HECW2: variants seen among roughly 807,000 people sequenced by gnomAD.
HECW2 encodes the protein HECT, C2 and WW domain containing E3 ubiquitin protein ligase 2, also known as E3 ubiquitin-protein ligase HECW2.
HECW2 carries 61 observed loss-of-function variants against 175.2 expected under a neutral mutation model. The ratio of observed to expected loss-of-function variants is 0.35; its 90% CI spans 0.28 to 0.43. The LOEUF (loss-of-function observed/expected upper bound fraction) is 0.43. Among genes scored for constraint, HECW2 ranks in the 20% least tolerant of loss-of-function variants. HECW2 has a pLI of 1.00. For missense variants in HECW2, 1,524 were observed against 2,000.5 expected (o/e 0.76, Z 4.54); for synonymous variants, 671 against 731.0 (o/e 0.92, Z 1.32).
At chr2:196,273,014 C>T (rs955575278) in intron 16 of HECW2, among the ~76,000 whole-genome samples, 8 of 143,116 alleles carry the variant, frequency 5.6e-5, no homozygotes, top group Non-Finnish European at 9.0e-5. Flanking sequence ...TTAAAGAAGA[C>T]GTTTTAAAAC....
intron 23 of HECW2, among the ~76,000 whole-genome samples, 174 bp downstream of exon 23, chr2:196,225,598 A>C (rs1357265494): frequency 6.6e-6 from 1 of 152,244 alleles, no homozygotes; most frequent in Non-Finnish European, 1.5e-5. Flanking sequence ...GGAAAAACAC[A>C]GTAATCATAT....
chr2:196,309,496 A>C (rs1015937289), intron 10 of HECW2, among the ~76,000 whole-genome samples: 2 of 152,228 alleles, frequency 1.3e-5, no homozygotes, highest in African/African-American at 4.8e-5. Flanking sequence ...TGATATGCTC[A>C]CAAATAGCAA....
chr2:196,423,247 T>G (rs1420506798), intron 2 of HECW2, among the ~76,000 whole-genome samples: 2 of 152,160 alleles, frequency 1.3e-5, no homozygotes, highest in Non-Finnish European at 2.9e-5. Flanking sequence ...GCCGAGCATT[T>G]TATATGCAAT....
At chr2:196,577,046 C>T (rs1690586281) in intron 1 of HECW2, among the ~76,000 whole-genome samples, 1 of 152,070 alleles carries the variant, frequency 6.6e-6, no homozygotes, top group Admixed American at 6.6e-5. Flanking sequence ...ATGCAAATAA[C>T]GGATTTTGTC....
At chr2:196,571,907 TA>T (rs1369861749) in intron 1 of HECW2, among the ~76,000 whole-genome samples, 1 of 152,046 alleles carries the variant, frequency 6.6e-6, no homozygotes, top group Non-Finnish European at 1.5e-5. Flanking sequence ...AATGAATGAA[TA>T]AAAAATTGTG....
chr2:196,559,900 T>G (rs1243173613), intron 1 of HECW2, among the ~76,000 whole-genome samples: 1 of 152,224 alleles, frequency 6.6e-6, no homozygotes, highest in Non-Finnish European at 1.5e-5. Context: ...CCTTTCACTC[T>G]AAAAGGATTT....
intron 2 of HECW2, among the ~76,000 whole-genome samples, chr2:196,414,737 C>T (rs1315543131): frequency 6.6e-6 from 1 of 152,184 alleles, no homozygotes; most frequent in Admixed American, 6.5e-5. Flanking sequence ...AGTGCCCCAA[C>T]ACCAGCTTTG....
intron 1 of HECW2, among the ~76,000 whole-genome samples, chr2:196,542,827 T>C (rs1689272537): frequency 6.7e-6 from 1 of 149,440 alleles, no homozygotes; most frequent in South Asian, 2.1e-4. Flanking sequence ...ATATATAATC[T>C]AATATCTAAT....
intron 1 of HECW2, among the ~76,000 whole-genome samples, chr2:196,489,298 A>T (rs1031401839): frequency 1.3e-5 from 2 of 152,198 alleles, no homozygotes; most frequent in Non-Finnish European, 1.5e-5. Context: ...AGAGAGAGAG[A>T]TATATAACTC....
chr2:196,372,667 GA>G (rs1559073274), intron 2 of HECW2, among the ~76,000 whole-genome samples: 1 of 152,152 alleles, frequency 6.6e-6, no homozygotes, highest in African/African-American at 2.4e-5. Context: ...GTCCCCCTTT[GA>G]GAAGAGTTAG....
intron 1 of HECW2, among the ~76,000 whole-genome samples, chr2:196,568,199 G>C (rs1243016370): frequency 1.3e-5 from 2 of 152,064 alleles, no homozygotes; most frequent in African/African-American, 4.8e-5. Context: ...TGGGAAAAAA[G>C]TCATTAGGAC....
chr2:196,244,584 G>A (rs1429555741), intron 19 of HECW2, among the ~76,000 whole-genome samples: 2 of 152,104 alleles, frequency 1.3e-5, no homozygotes, highest in East Asian at 3.8e-4. Context: ...CATTTGTTAA[G>A]ATCAGTGTTA....
chr2:196,461,149 C>T (rs1696728847), intron 1 of HECW2, among the ~76,000 whole-genome samples: 1 of 151,802 alleles, frequency 6.6e-6, no homozygotes, highest in East Asian at 1.9e-4. Context: ...AAGTGCACAG[C>T]CTGATAGGAA....
At chr2:196,354,619 A>T (rs538054645) in intron 2 of HECW2, among the ~76,000 whole-genome samples, 15 of 152,368 alleles carry the variant, frequency 9.8e-5, no homozygotes, top group African/African-American at 3.6e-4. Flanking sequence ...AAGAAATAAC[A>T]TTTTCACCAT....
At chr2:196,401,345 T>C (rs1694812250) in intron 2 of HECW2, among the ~76,000 whole-genome samples, 1 of 152,204 alleles carries the variant, frequency 6.6e-6, no homozygotes, top group Non-Finnish European at 1.5e-5. Context: ...TAGAAGCAAC[T>C]ATTTACAGAA....
At position 196,307,249 on chromosome 2, in the gene HECW2, T is replaced by C. The variant is rs764731989; in HGVS notation, c.2586-16A>G. The C allele has an allele frequency of 2.6e-6, 4 of 1,540,036 alleles. No homozygotes were observed. Among genetic ancestry groups the C allele is most frequent in the Non-Finnish European group, 3.6e-6 (4 of 1,112,556 alleles). On this transcript the variant is annotated splice_polypyrimidine_tract_variant and intron_variant, in intron 11 of 28. Transcript: ENST00000644978. ...ACTCTGATATCTAAAATCATGAGCC[T>C]AGAGTTACATTCCAGCAGCATTTAA...
At chr2:196,385,154 G>A (rs191271897) in intron 2 of HECW2, among the ~76,000 whole-genome samples, 79 of 151,984 alleles carry the variant, frequency 5.2e-4, no homozygotes, top group African/African-American at 1.8e-3. Context: ...TCAAGCAATC[G>A]TCCTGCCTTA....
At chr2:196,527,057 G>A (rs1184685081) in intron 1 of HECW2, among the ~76,000 whole-genome samples, 1 of 152,358 alleles carries the variant, frequency 6.6e-6, no homozygotes, top group East Asian at 1.9e-4. Context: ...CTGGGCAATG[G>A]CGGGCGCCCC....
At chr2:196,548,791 G>A (rs963563821) in intron 1 of HECW2, among the ~76,000 whole-genome samples, 15 of 152,264 alleles carry the variant, frequency 9.9e-5, no homozygotes, top group Middle Eastern at 3.4e-3. Flanking sequence ...GGCTGTGAGG[G>A]AAGAATCTGT....
Sources: gnomAD v4.1 joint callset for allele counts (sites outside exome capture counted in the v4.1 genomes callset) on GRCh38, gnomAD v4.1.1 for gene constraint, MANE v1.5 for transcripts, NCBI Gene and HGNC (gene_info 2026-07-23, HGNC 2026-07-21) for gene names.